SLC26A5: variants seen among roughly 807,000 people sequenced by gnomAD.
SLC26A5 encodes solute carrier family 26 member 5.
Under a neutral mutation model 81.0 loss-of-function variants are expected in SLC26A5, and 51 were observed. The ratio of observed to expected loss-of-function variants is 0.63; its 90% CI spans 0.50 to 0.80. SLC26A5 has a LOEUF of 0.80. Ranked by LOEUF, SLC26A5 falls within the 30% of genes least tolerant of loss-of-function variation. The pLI, the probability that SLC26A5 is intolerant of heterozygous loss-of-function variation, is 0.00. For synonymous variants in SLC26A5, 325 were observed against 332.8 expected (o/e 0.98, Z 0.25); for missense variants, 771 against 905.8 (o/e 0.85, Z 1.91).
chr7:103,399,039 A>G (rs2116549458), intron 8 of SLC26A5, among the ~76,000 whole-genome samples: 1 of 152,334 alleles, frequency 6.6e-6, no homozygotes, highest in South Asian at 2.1e-4. Flanking sequence ...AATTTAAACC[A>G]TTGTTTTCTT....
chr7:103,434,798 T>G (rs1463871757), intron 2 of SLC26A5, among the ~76,000 whole-genome samples: 2 of 151,794 alleles, frequency 1.3e-5, no homozygotes, highest in Non-Finnish European at 2.9e-5. Flanking sequence ...AGTACAGGAG[T>G]GCGCCACCAC....
chr7:103,374,043 C>G (rs1240440451), downstream of SLC26A5, among the ~76,000 whole-genome samples: 2 of 152,110 alleles, frequency 1.3e-5, no homozygotes, highest in Non-Finnish European at 2.9e-5. Flanking sequence ...AGAACCACTA[C>G]TTATCTGTAG....
downstream of SLC26A5, among the ~76,000 whole-genome samples, chr7:103,373,544 A>T (rs1821143951): frequency 6.6e-6 from 1 of 152,222 alleles, no homozygotes; most frequent in Non-Finnish European, 1.5e-5. Flanking sequence ...TCAATGTCAT[A>T]AAAAAGGAAC....
At chr7:103,409,766 G>A (rs755388756) in intron 7 of SLC26A5, among the ~76,000 whole-genome samples, 1 of 151,774 alleles carries the variant, frequency 6.6e-6, no homozygotes, top group Non-Finnish European at 1.5e-5. Flanking sequence ...GGAGTGCAGT[G>A]ATGGGATCTC....
chr7:103,361,668 A>G (rs1820422973), intron 19 of SLC26A5, among the ~76,000 whole-genome samples: 1 of 152,208 alleles, frequency 6.6e-6, no homozygotes, highest in Non-Finnish European at 1.5e-5. Flanking sequence ...CAGGAGCATC[A>G]CTAATAATAA....
intron 2 of SLC26A5, among the ~76,000 whole-genome samples, chr7:103,427,340 A>G (rs2116770548): frequency 6.6e-6 from 1 of 152,176 alleles, no homozygotes; most frequent in African/African-American, 2.4e-5. Context: ...GGCCTCCCAA[A>G]GTGCTGGAAT....
intron 14 of SLC26A5, among the ~76,000 whole-genome samples, chr7:103,386,973 G>C (rs1347884504): frequency 6.6e-6 from 1 of 152,058 alleles, no homozygotes; most frequent in African/African-American, 2.4e-5. Context: ...TGTTGCCCAG[G>C]CTGGTCTTGA....
intron 8 of SLC26A5, among the ~76,000 whole-genome samples, chr7:103,400,920 A>G (rs1823538187): frequency 6.6e-6 from 1 of 152,080 alleles, no homozygotes; most frequent in African/African-American, 2.4e-5. Flanking sequence ...ACAGGTCTAT[A>G]TATCTGTTTT....
At chr7:103,353,990 T>C in intron 19 of SLC26A5, 2 of 1,488,062 alleles carry the variant, frequency 1.3e-6, no homozygotes, top group East Asian at 2.3e-5. Flanking sequence ...AAACTATAGA[T>C]GTTTTATGTT....
At chr7:103,377,009 T>C (rs1015415135) in intron 18 of SLC26A5, 147 bp from the exon 19 acceptor site, 4 of 605,728 alleles carry the variant, frequency 6.6e-6, no homozygotes, top group Non-Finnish European at 1.2e-5. Flanking sequence ...TTTGAGCTAA[T>C]CAGTTAAAAA....
intron 8 of SLC26A5, among the ~76,000 whole-genome samples, chr7:103,400,323 G>T (rs1281825528): frequency 4.6e-5 from 7 of 152,228 alleles, no homozygotes; most frequent in Non-Finnish European, 1.0e-4. Flanking sequence ...AATGGCCAGT[G>T]ATGATGAGCT....
At chr7:103,407,600 C>T (rs1461170941) in intron 8 of SLC26A5, among the ~76,000 whole-genome samples, 1 of 152,064 alleles carries the variant, frequency 6.6e-6, no homozygotes, top group Non-Finnish European at 1.5e-5. Context: ...TCCATAATCC[C>T]ATCACTTGTA....
chr7:103,407,820 C>A (rs768086911), intron 8 of SLC26A5, 31 bp downstream of exon 8: 3 of 1,612,000 alleles, frequency 1.9e-6, no homozygotes. Context: ...GTTGTAGAAG[C>A]CGAGTAGGTC....
intron 2 of SLC26A5, 49 bp from the exon 3 acceptor site, chr7:103,421,616 T>C: frequency 7.9e-7 from 1 of 1,270,412 alleles, no homozygotes; most frequent in Non-Finnish European, 1.1e-6. Flanking sequence ...ATCCTACTGA[T>C]GACTTTTCCT....
At position 103,362,220 on chromosome 7, in the gene SLC26A5, T is replaced by C. The variant is rs1012754530; in HGVS notation, c.2042-9294A>G. Reference sequence around the variant, plus strand: ...CAAAGGATGATCTAGTAATGTACTATAGTTGAAAATTCTGTCTTCTGCATC... The same window carrying C: ...CAAAGGATGATCTAGTAATGTACTACAGTTGAAAATTCTGTCTTCTGCATC... On this transcript the variant is annotated intron_variant, in intron 19 of 19. Transcript: ENST00000339444. 5.4e-6 allele frequency: 8 copies of C among 1,474,234 alleles called. No homozygotes were observed. In the Middle Eastern group the frequency reaches 6.6e-4, roughly 121 times the overall value. 91.3% of individuals were successfully genotyped at this position (1,474,234 alleles called of 1,614,324 possible). A position where few individuals can be genotyped will look rare whatever the true frequency, so the allele number is the denominator to read the frequency against.
chr7:103,394,149 G>A (rs1235382838), intron 9 of SLC26A5, among the ~76,000 whole-genome samples: 3 of 152,126 alleles, frequency 2.0e-5, no homozygotes, highest in Non-Finnish European at 2.9e-5. Context: ...GCACAGTGAC[G>A]GAAGGGATGT....
Position 103,410,823 on chromosome 7 carries a change from G to A in SLC26A5, c.571-274C>T, listed in dbSNP as rs186597045. On this transcript the variant is annotated intron_variant, in intron 6 of 19. Coordinates refer to ENST00000306312, the MANE Select transcript of SLC26A5 (RefSeq NM_198999.3). ...TTTTTGTATTTTTAGTAGACACGGG[G>A]TTTCACTATGTTGCCCAGGGTGGTC... Among the ~76,000 whole-genome samples the A allele has an allele frequency of 5.8e-4, 89 of 152,142 alleles. 1 individual carries two copies. Among genetic ancestry groups the A allele is most frequent in the African/African-American group, 2.1e-3 (88 of 41,530 alleles).
At chr7:103,354,159 A>T (rs1819890311) in intron 19 of SLC26A5, among the ~76,000 whole-genome samples, 1 of 152,154 alleles carries the variant, frequency 6.6e-6, no homozygotes, top group African/African-American at 2.4e-5. Context: ...TTACCTACCT[A>T]AAGTTTATAG....
intron 4 of SLC26A5, among the ~76,000 whole-genome samples, 177 bp downstream of exon 4, chr7:103,420,561 A>C (rs1825268283): frequency 6.6e-6 from 1 of 152,114 alleles, no homozygotes; most frequent in Non-Finnish European, 1.5e-5. Context: ...TTGGCCTTCC[A>C]AAGTGCTGAG....
Sources: gnomAD v4.1 joint callset for allele counts (sites outside exome capture counted in the v4.1 genomes callset) on GRCh38, gnomAD v4.1.1 for gene constraint, MANE v1.5 for transcripts, NCBI Gene and HGNC (gene_info 2026-07-23, HGNC 2026-07-21) for gene names.